The following NR5A2 variants were observed in gnomAD, a reference collection of about 807,000 sequenced individuals.
NR5A2 encodes the protein nuclear receptor subfamily 5 group A member 2.
In NR5A2, 26 loss-of-function variants were observed where a neutral mutation model predicts 62.7. The ratio of observed to expected loss-of-function variants is 0.41; its 90% CI spans 0.30 to 0.58. The LOEUF is 0.58. NR5A2 is among the 20% of genes least tolerant of loss of function. NR5A2 has a pLI of 0.22. For synonymous variants in NR5A2, 246 were observed against 241.7 expected, an observed-to-expected ratio of 1.02 and a Z score of -0.16; for missense variants, 541 against 669.1, an observed-to-expected ratio of 0.81 and a Z score of 2.11.
intron 5 of NR5A2, among the ~76,000 whole-genome samples, chr1:200,105,738 G>C (rs2102282020): frequency 6.6e-6 from 1 of 152,234 alleles, no homozygotes; most frequent in Non-Finnish European, 1.5e-5. Context: ...GATACCTTGA[G>C]TCTAGGAGTT....
chr1:200,053,556 C>T (rs1488241563), intron 5 of NR5A2, among the ~76,000 whole-genome samples: 5 of 142,724 alleles, frequency 3.5e-5, no homozygotes, highest in Non-Finnish European at 6.0e-5. Context: ...CTCATCCCCC[C>T]CAGCATGCAC....
At chr1:200,130,306 GAAGAAGAAGAAGAAGAAAA>G (rs1362567272) in intron 7 of NR5A2, among the ~76,000 whole-genome samples, 7 of 8,414 alleles carry the variant, frequency 8.3e-4, no homozygotes, top group African/African-American at 1.3e-3. Context: ...AGAAGAAGAA[GAAGAAGAAGAAGAAGAAAA>G]AAAAAATCCA....
intron 5 of NR5A2, among the ~76,000 whole-genome samples, chr1:200,098,128 A>G (rs555371454): frequency 6.6e-6 from 1 of 152,124 alleles, no homozygotes; most frequent in Admixed American, 6.6e-5. Flanking sequence ...CCCATACTCC[A>G]CCCTGCCGAG....
chr1:200,174,113 G>C lies in NR5A2; in HGVS notation c.1529G>C (p.Ser510Thr). ...CGACTACCCGAAATCCGGGCCATCAGTATGCAGGCTGAAGAATACCTCTAC... is the reference window on the plus strand; with the variant it reads ...CGACTACCCGAAATCCGGGCCATCACTATGCAGGCTGAAGAATACCTCTAC... ...LLRLPEIRAISMQAEEYLYYK... is the reference protein window; with the variant it reads ...LLRLPEIRAITMQAEEYLYYK... Residue 510 changes from serine (S) to threonine (T), a missense_variant, in exon 8 of 8, where the codon AGT (serine) becomes ACT (threonine). Ser to Thr is a moderately conservative substitution (Grantham distance 58). Transcript: ENST00000367362. 2 of 1,613,850 alleles carry C rather than the reference G, an allele frequency of 1.2e-6. No individual in the cohort carries two copies. The highest frequency in any genetic ancestry group is 2.2e-5 in the South Asian group (2 of 91,060).
chr1:200,100,037 G>A (rs1256857099), intron 5 of NR5A2, among the ~76,000 whole-genome samples: 1 of 152,198 alleles, frequency 6.6e-6, no homozygotes, highest in Admixed American at 6.5e-5. Flanking sequence ...AAGCAACCCA[G>A]AGGAAAATAT....
At chr1:200,095,828 A>G (rs1410791863) in intron 5 of NR5A2, among the ~76,000 whole-genome samples, 1 of 152,170 alleles carries the variant, frequency 6.6e-6, no homozygotes, top group African/African-American at 2.4e-5. Context: ...CTGGGATTAC[A>G]GGTGTGAGCC....
intron 7 of NR5A2, among the ~76,000 whole-genome samples, chr1:200,146,710 C>A (rs1667716771): frequency 6.6e-6 from 1 of 152,154 alleles, no homozygotes; most frequent in South Asian, 2.1e-4. Context: ...GGTTCTCAAA[C>A]TGGGGCTGGA....
rs1024502634 is a variant in NR5A2 at position 200,034,864 on chromosome 1, G to A, written c.65-4794G>A. On this transcript the variant is annotated intron_variant, in intron 1 of 7. Coordinates refer to ENST00000367362, the MANE Select transcript of NR5A2 (RefSeq NM_205860.3). The stretch of plus-strand genomic sequence containing the variant: ...TTCAGGTTTGCTTTTTTAAAGCTTC[G>A]ATCAACACGACGCTCCCTGGTAATT... Among the ~76,000 whole-genome samples, 5 of 121,070 alleles carry A rather than the reference G, an allele frequency of 4.1e-5. No individual in the cohort carries two copies. In the Admixed American group the frequency reaches 5.4e-4, roughly 13 times the overall value. 79.4% of individuals were successfully genotyped at this position (121,070 alleles called of 152,430 possible). A position where few individuals can be genotyped will look rare whatever the true frequency, so the allele number is the denominator to read the frequency against.
At chr1:200,149,583 G>A (rs1221336529) in intron 7 of NR5A2, among the ~76,000 whole-genome samples, 16 of 152,162 alleles carry the variant, frequency 1.1e-4, no homozygotes, top group Admixed American at 1.0e-3. Context: ...ATTGGGGTGA[G>A]ACCAAGGAAA....
intron 5 of NR5A2, among the ~76,000 whole-genome samples, chr1:200,083,998 A>AATAAT (rs1374907675): frequency 2.4e-4 from 35 of 148,894 alleles, no homozygotes; most frequent in African/African-American, 8.2e-4. Context: ...TAATAATAAT[A>AATAAT]ATAATAATAA....
intron 5 of NR5A2, among the ~76,000 whole-genome samples, chr1:200,066,358 AG>A (rs1663467836): frequency 6.6e-6 from 1 of 151,226 alleles, no homozygotes; most frequent in Non-Finnish European, 1.5e-5. Flanking sequence ...CAGACCATCT[AG>A]GGGAAAATCC....
At chr1:200,053,794 A>G (rs913809109) in intron 5 of NR5A2, among the ~76,000 whole-genome samples, 30 of 152,276 alleles carry the variant, frequency 2.0e-4, no homozygotes, top group Non-Finnish European at 3.2e-4. Context: ...AAAAGCTACA[A>G]TAATTCTTTC....
chr1:200,175,921 T>C lies in NR5A2; in HGVS notation c.*1711T>C, dbSNP rs2102403185. ...TTTTGAGTAGTGTATTTATATTGTA[T>C]ATCATACTTTCAACTGTAGACAATT... On this transcript the variant is annotated 3_prime_UTR_variant, in exon 8 of 8. Coordinates refer to ENST00000367362, the MANE Select transcript of NR5A2 (RefSeq NM_205860.3). 6.5e-6 allele frequency: 1 copy of C among 152,774 alleles called. No individual in the cohort carries two copies. Among genetic ancestry groups the C allele is most frequent in the Admixed American group, 6.5e-5 (1 of 15,298 alleles). 9.5% of individuals were successfully genotyped at this position (152,774 alleles called of 1,614,324 possible). A position where few individuals can be genotyped will look rare whatever the true frequency, so the allele number is the denominator to read the frequency against.
At chr1:200,167,784 A>G (rs569798170) in intron 7 of NR5A2, among the ~76,000 whole-genome samples, 1 of 152,152 alleles carries the variant, frequency 6.6e-6, no homozygotes, top group South Asian at 2.1e-4. Context: ...TTCCTTCTCT[A>G]GGGTTTGTAT....
chr1:200,135,984 C>T (rs1461593109), intron 7 of NR5A2, among the ~76,000 whole-genome samples: 3 of 152,210 alleles, frequency 2.0e-5, no homozygotes, highest in African/African-American at 7.2e-5. Context: ...CTTTGATCTA[C>T]TAACCAAAGG....
intron 2 of NR5A2, chr1:200,042,806 G>A: frequency 1.0e-6 from 1 of 985,550 alleles, no homozygotes. Flanking sequence ...GGGTCTCCTG[G>A]TCACTGCCCT....
chr1:200,065,545 G>A (rs796136118), intron 5 of NR5A2, among the ~76,000 whole-genome samples: 5 of 152,268 alleles, frequency 3.3e-5, no homozygotes, highest in African/African-American at 1.2e-4. Context: ...ACATCGAGGG[G>A]GCAGTCTAGC....
At chr1:200,133,508 T>TAC (rs1447618572) in intron 7 of NR5A2, among the ~76,000 whole-genome samples, 1 of 105,356 alleles carries the variant, frequency 9.5e-6, no homozygotes, top group Admixed American at 9.5e-5. Context: ...TGATGGACTA[T>TAC]ATATATATAT....
chr1:200,046,466 G>A (rs1053822601), intron 4 of NR5A2, among the ~76,000 whole-genome samples: 3 of 152,020 alleles, frequency 2.0e-5, no homozygotes, highest in African/African-American at 7.3e-5. Flanking sequence ...CTAGATACAA[G>A]AGTGCATTTT....
Sources: allele counts gnomAD v4.1 joint callset (sites outside exome capture counted in the v4.1 genomes callset), GRCh38; gene constraint gnomAD v4.1.1; transcripts MANE v1.5; gene names NCBI Gene and HGNC (gene_info 2026-07-23, HGNC 2026-07-21).